Variants in THNSL1 observed in about 807,000 individuals in gnomAD.
THNSL1 encodes threonine synthase like 1, also known as threonine synthase-like 1.
Under a neutral mutation model 50.4 loss-of-function variants are expected in THNSL1, and 48 were observed. That is an observed-to-expected ratio of 0.95 (90% CI 0.76 to 1.21). The LOEUF is 1.21. Among genes scored for constraint, THNSL1 ranks in the 50% most tolerant of loss-of-function variants. THNSL1 has a pLI of 0.00. For synonymous variants in THNSL1, 309 were observed against 306.1 expected, an observed-to-expected ratio of 1.01 and a Z score of -0.10; for missense variants, 896 against 871.7, an observed-to-expected ratio of 1.03 and a Z score of -0.35.
At chr10:24,968,832 G>A in the THNSL1 span, among the ~76,000 whole-genome samples, 2 of 152,190 alleles carry the variant, frequency 1.3e-5, no homozygotes, top group East Asian at 1.9e-4. Context: ...GACAGAAGTC[G>A]AATCACATAT....
At chr10:25,015,936 T>C (rs1850559155), upstream of THNSL1, 3 of 1,605,984 alleles carry the variant, frequency 1.9e-6, no homozygotes, top group Non-Finnish European at 1.7e-6. Context: ...GTTGGATCCA[T>C]GGCCACCAAA....
At chr10:24,991,566 CAG>C in the THNSL1 span, among the ~76,000 whole-genome samples, 1 of 152,120 alleles carries the variant, frequency 6.6e-6, no homozygotes, top group Non-Finnish European at 1.5e-5. Flanking sequence ...TGGAACAACG[CAG>C]AGTTTGGCCG....
At chr10:25,018,984 G>A (rs1850666799) in intron 1 of THNSL1, among the ~76,000 whole-genome samples, 1 of 152,104 alleles carries the variant, frequency 6.6e-6, no homozygotes, top group Non-Finnish European at 1.5e-5. Flanking sequence ...GGATTGTGTG[G>A]TCCTTCCACC....
the THNSL1 span, among the ~76,000 whole-genome samples, chr10:24,973,448 T>C: frequency 6.6e-6 from 1 of 152,132 alleles, no homozygotes; most frequent in Non-Finnish European, 1.5e-5. Flanking sequence ...CAAAACAGCA[T>C]GCAGTTTAAA....
the THNSL1 span, among the ~76,000 whole-genome samples, chr10:24,994,419 C>T: frequency 2.6e-5 from 4 of 151,564 alleles, no homozygotes; most frequent in African/African-American, 9.7e-5. Context: ...CTGCAACCCC[C>T]GCCTCCTGGG....
chr10:24,999,834 G>A, the THNSL1 span, among the ~76,000 whole-genome samples: 4 of 152,218 alleles, frequency 2.6e-5, no homozygotes, highest in Admixed American at 2.6e-4. Context: ...CATTCTTGAT[G>A]TTAGTAATTT....
chr10:24,995,010 G>A, the THNSL1 span, among the ~76,000 whole-genome samples: 3 of 152,036 alleles, frequency 2.0e-5, no homozygotes, highest in East Asian at 5.8e-4. Flanking sequence ...AACAGCATGA[G>A]AATATGTCTC....
chr10:24,968,866 T>C, the THNSL1 span, among the ~76,000 whole-genome samples: 11 of 152,210 alleles, frequency 7.2e-5, no homozygotes, highest in Non-Finnish European at 1.6e-4. Flanking sequence ...GCCTCTATTT[T>C]CCCAACTATT....
the THNSL1 span, among the ~76,000 whole-genome samples, chr10:25,007,293 C>T: frequency 6.6e-6 from 1 of 152,118 alleles, no homozygotes; most frequent in Non-Finnish European, 1.5e-5. Flanking sequence ...TATACATTTC[C>T]CTGGCAACTG....
the THNSL1 span, among the ~76,000 whole-genome samples, chr10:24,954,036 C>T: frequency 6.6e-6 from 1 of 152,192 alleles, no homozygotes; most frequent in East Asian, 1.9e-4. Flanking sequence ...TGTGAGAGGG[C>T]GTTGTTTTGA....
chr10:25,024,033 G>A lies in THNSL1; in HGVS notation c.810G>A (p.Lys270=). The part of the protein sequence containing the change: ...ASDGGLFVPA[K]EFPKLSCGEW... ...ATGGTGGCCTCTTTGTTCCTGCAAA[G>A]GAGTTTCCAAAATTAAGCTGCGGGG... Residue 270 remains lysine, a synonymous_variant, in exon 3 of 3, where the codon AAG becomes AAA. Transcript: ENST00000376356. 6.2e-7 allele frequency: 1 copy of A among 1,614,220 alleles called. No homozygotes were observed. Among genetic ancestry groups the A allele is most frequent in the Non-Finnish European group, 8.5e-7 (1 of 1,180,024 alleles).
At chr10:24,961,741 T>C in the THNSL1 span, among the ~76,000 whole-genome samples, 1 of 152,224 alleles carries the variant, frequency 6.6e-6, no homozygotes, top group Admixed American at 6.5e-5. Context: ...AACAATGTGG[T>C]TTTATCATTG....
At chr10:24,961,710 C>T in the THNSL1 span, among the ~76,000 whole-genome samples, 2 of 152,120 alleles carry the variant, frequency 1.3e-5, no homozygotes, top group Non-Finnish European at 2.9e-5. Context: ...GTGATTCATT[C>T]TTTACTATAC....
the THNSL1 span, among the ~76,000 whole-genome samples, chr10:24,994,415 C>T: frequency 6.6e-6 from 1 of 151,354 alleles, no homozygotes; most frequent in Non-Finnish European, 1.5e-5. Context: ...CTCACTGCAA[C>T]CCCCGCCTCC....
the THNSL1 span, among the ~76,000 whole-genome samples, chr10:24,976,524 T>C: frequency 6.6e-6 from 1 of 152,134 alleles, no homozygotes; most frequent in Non-Finnish European, 1.5e-5. Context: ...AGTTTCATTC[T>C]TGTTGTCCAG....
the THNSL1 span, among the ~76,000 whole-genome samples, chr10:24,957,138 TCTC>T: frequency 6.6e-6 from 1 of 152,068 alleles, no homozygotes; most frequent in Non-Finnish European, 1.5e-5. Context: ...CTAACCAACT[TCTC>T]CTACTCCTGC....
chr10:24,959,990 T>C, the THNSL1 span, among the ~76,000 whole-genome samples: 1 of 152,182 alleles, frequency 6.6e-6, no homozygotes, highest in African/African-American at 2.4e-5. Flanking sequence ...ACATGCAACT[T>C]GGTGTTTTCC....
chr10:24,968,144 C>T, the THNSL1 span, among the ~76,000 whole-genome samples: 2 of 152,032 alleles, frequency 1.3e-5, no homozygotes, highest in East Asian at 1.9e-4. Context: ...GAAAACCTAT[C>T]TGCAAGTAAG....
the THNSL1 span, among the ~76,000 whole-genome samples, chr10:24,998,502 G>C: frequency 1.3e-5 from 2 of 151,944 alleles, no homozygotes; most frequent in African/African-American, 4.8e-5. Context: ...AGCCTCCAGA[G>C]TAGTGAAGAC....
Sources: allele counts gnomAD v4.1 joint callset (sites outside exome capture counted in the v4.1 genomes callset), GRCh38; gene constraint gnomAD v4.1.1; transcripts MANE v1.5; gene names NCBI Gene and HGNC (gene_info 2026-07-23, HGNC 2026-07-21).